The following TECRL variants were observed in gnomAD, a reference collection of about 807,000 sequenced individuals.
The protein encoded by TECRL is trans-2,3-enoyl-CoA reductase-like.
A neutral mutation model predicts 52.8 loss-of-function variants in TECRL; 63 were observed. The ratio of observed to expected loss-of-function variants is 1.19; its 90% CI spans 0.97 to 1.47. The LOEUF (loss-of-function observed/expected upper bound fraction) is 1.47. TECRL is among the 40% of genes most tolerant of loss of function. TECRL has a pLI of 0.00. For synonymous variants in TECRL, 164 were observed against 141.9 expected (o/e 1.16, Z -1.10); for missense variants, 482 against 429.6 (o/e 1.12, Z -1.08).
chr4:64,407,485 A>ATGTGTGTG (rs35563807), intron 1 of TECRL, among the ~76,000 whole-genome samples: 21 of 148,792 alleles, frequency 1.4e-4, no homozygotes, highest in African/African-American at 4.9e-4. Context: ...ACTAATTGGC[A>ATGTGTGTG]TGTGTGTGTG....
chr4:64,291,543 A>G (rs1723389298), intron 8 of TECRL, among the ~76,000 whole-genome samples: 2 of 152,026 alleles, frequency 1.3e-5, no homozygotes, highest in African/African-American at 4.8e-5. Context: ...AATAAGTTTT[A>G]GAAATTATAA....
At chr4:64,318,456 CAT>C (rs1491146188) in intron 4 of TECRL, among the ~76,000 whole-genome samples, 2 of 151,790 alleles carry the variant, frequency 1.3e-5, no homozygotes, top group Non-Finnish European at 2.9e-5. Context: ...AAATTATATG[CAT>C]GTGTGTGTGT....
intron 2 of TECRL, among the ~76,000 whole-genome samples, chr4:64,346,678 G>T (rs1385298652): frequency 1.3e-5 from 2 of 152,194 alleles, no homozygotes; most frequent in African/African-American, 4.8e-5. Context: ...TTTCCTCCTA[G>T]GTTTCCAGAC....
At chr4:64,282,150 C>T (rs1722861308) in intron 9 of TECRL, among the ~76,000 whole-genome samples, 1 of 151,940 alleles carries the variant, frequency 6.6e-6, no homozygotes, top group African/African-American at 2.4e-5. Context: ...TTGATAGTTA[C>T]ATCTCTCATT....
intron 1 of TECRL, among the ~76,000 whole-genome samples, chr4:64,389,728 G>A (rs1202811572): frequency 6.6e-6 from 1 of 151,782 alleles, no homozygotes; most frequent in East Asian, 1.9e-4. Flanking sequence ...TCTGGTCCTG[G>A]TACTACTGTT....
intron 2 of TECRL, among the ~76,000 whole-genome samples, chr4:64,361,614 T>C (rs957356450): frequency 4.6e-5 from 7 of 152,096 alleles, no homozygotes; most frequent in African/African-American, 1.7e-4. Flanking sequence ...AAACCTACAC[T>C]GCCTGAAAGC....
At chr4:64,326,253 A>T (rs1718254846) in intron 3 of TECRL, among the ~76,000 whole-genome samples, 1 of 152,168 alleles carries the variant, frequency 6.6e-6, no homozygotes, top group African/African-American at 2.4e-5. Flanking sequence ...GTAGAAATCC[A>T]ATCATTTTAA....
intron 2 of TECRL, among the ~76,000 whole-genome samples, chr4:64,372,106 T>C (rs1299672810): frequency 6.6e-6 from 1 of 151,834 alleles, no homozygotes; most frequent in African/African-American, 2.4e-5. Context: ...GGAATACTTG[T>C]GAGCAGATGA....
intron 6 of TECRL, among the ~76,000 whole-genome samples, chr4:64,308,914 CAT>C (rs1267804976): frequency 2.0e-5 from 3 of 151,974 alleles, no homozygotes; most frequent in East Asian, 1.9e-4. Flanking sequence ...AAAAATAAAA[CAT>C]AAATTATCAA....
chr4:64,301,045 A>C (rs915220722), intron 7 of TECRL, among the ~76,000 whole-genome samples: 1 of 150,940 alleles, frequency 6.6e-6, no homozygotes, highest in Non-Finnish European at 1.5e-5. Context: ...TTTTGCATAG[A>C]TATATATTCA....
rs1299990387 is a variant in TECRL at position 64,409,380 on chromosome 4, G to A, written c.-29C>T. The A allele has an allele frequency of 1.2e-6, 2 of 1,600,426 alleles. No homozygotes were observed. The highest frequency in any genetic ancestry group is 2.2e-5 in the South Asian group (2 of 89,776). ...GTGAACTAAGAGGAGGGTCTGTCAT[G>A]TCAAAAGTAGAAAATTGCAAGTGTG... On this transcript the variant is annotated 5_prime_UTR_variant, in exon 1 of 12. Coordinates refer to ENST00000381210, the MANE Select transcript of TECRL (RefSeq NM_001010874.5).
At chr4:64,323,957 TA>T (rs1225019134) in intron 3 of TECRL, among the ~76,000 whole-genome samples, 1 of 152,144 alleles carries the variant, frequency 6.6e-6, no homozygotes, top group Non-Finnish European at 1.5e-5. Flanking sequence ...GAAGTGTGTG[TA>T]GATATTTGAA....
chr4:64,315,230 C>A (rs1333020148), intron 4 of TECRL, among the ~76,000 whole-genome samples: 1 of 151,930 alleles, frequency 6.6e-6, no homozygotes, highest in East Asian at 1.9e-4. Flanking sequence ...GACTCTAATT[C>A]AAATGGAAAC....
At chr4:64,313,848 T>C (rs898485447) in intron 5 of TECRL, among the ~76,000 whole-genome samples, 2 of 149,804 alleles carry the variant, frequency 1.3e-5, no homozygotes, top group African/African-American at 4.9e-5. Context: ...AAAAAGTAAC[T>C]TGTGGCCGGG....
chr4:64,292,448 T>C (rs1242102237), intron 8 of TECRL, among the ~76,000 whole-genome samples: 2 of 152,022 alleles, frequency 1.3e-5, no homozygotes, highest in East Asian at 3.9e-4. Flanking sequence ...AATAAACACA[T>C]AGTAACGTAA....
Position 64,299,970 on chromosome 4 carries a change from A to T in TECRL, c.774+4T>A. 1 of 1,569,816 alleles carries T rather than the reference A, an allele frequency of 6.4e-7. No homozygotes were observed. Among genetic ancestry groups the T allele is most frequent in the Non-Finnish European group, 8.7e-7 (1 of 1,153,536 alleles). On this transcript the variant is annotated splice_donor_region_variant and intron_variant, in intron 8 of 11. Coordinates refer to ENST00000381210, the MANE Select transcript of TECRL (RefSeq NM_001010874.5). Reference sequence around the variant, plus strand: ...GAATAGCAAAATATATATATGATACATACCAGAAAATTGATAGCAGATACT... The same window carrying T: ...GAATAGCAAAATATATATATGATACTTACCAGAAAATTGATAGCAGATACT...
At chr4:64,345,888 C>G (rs1480580608) in intron 2 of TECRL, among the ~76,000 whole-genome samples, 3 of 83,188 alleles carry the variant, frequency 3.6e-5, no homozygotes, top group African/African-American at 1.7e-4. Context: ...TAACCCAACA[C>G]TGATGGGTGC....
At chr4:64,308,810 T>C (rs1724500314) in intron 6 of TECRL, among the ~76,000 whole-genome samples, 1 of 152,190 alleles carries the variant, frequency 6.6e-6, no homozygotes, top group South Asian at 2.1e-4. Flanking sequence ...GTACTAATAT[T>C]AATGGATATT....
rs563876317 is a variant in TECRL at position 64,345,272 on chromosome 4, T to G, written c.287-16716A>C. ...CACACGTGTGTTTATTGCGGCACTA[T>G]TCACAATAGCAAAGACTTAGAACCA... is the stretch of plus-strand genomic sequence containing the variant. On this transcript the variant is annotated intron_variant, in intron 2 of 11. Coordinates refer to ENST00000381210, the MANE Select transcript of TECRL (RefSeq NM_001010874.5). Among the ~76,000 whole-genome samples, 14 of 152,178 alleles carry G rather than the reference T, an allele frequency of 9.2e-5. No individual in the cohort carries two copies. The South Asian group carries it at 2.3e-3, about 25-fold the overall frequency.
Sources: allele counts gnomAD v4.1 joint callset (sites outside exome capture counted in the v4.1 genomes callset), GRCh38; gene constraint gnomAD v4.1.1; transcripts MANE v1.5; gene names NCBI Gene and HGNC (gene_info 2026-07-23, HGNC 2026-07-21).